CACNA2D3: variants seen among roughly 807,000 people sequenced by gnomAD.
CACNA2D3 encodes the protein voltage-dependent calcium channel subunit alpha-2/delta-3.
CACNA2D3 carries 60 observed loss-of-function variants against 160.6 expected under a neutral mutation model. That is an observed-to-expected ratio of 0.37 (90% confidence interval 0.30 to 0.46). The LOEUF is 0.46. Among genes scored for constraint, CACNA2D3 ranks in the 20% least tolerant of loss-of-function variants. CACNA2D3 has a pLI of 1.00. For missense variants in CACNA2D3, 1,205 were observed against 1,365.0 expected (o/e 0.88, Z 1.85); for synonymous variants, 558 against 492.9 (o/e 1.13, Z -1.75).
At chr3:54,748,598 G>A (rs966153779) in intron 11 of CACNA2D3, among the ~76,000 whole-genome samples, 1 of 151,864 alleles carries the variant, frequency 6.6e-6, no homozygotes. Context: ...CTGCCTTTGA[G>A]CTGCATTAAT....
chr3:54,347,404 T>C (rs1030077942), intron 3 of CACNA2D3, among the ~76,000 whole-genome samples: 2 of 152,178 alleles, frequency 1.3e-5, no homozygotes, highest in African/African-American at 4.8e-5. Context: ...TGAAATCCCT[T>C]TCATTTTGGA....
intron 27 of CACNA2D3, among the ~76,000 whole-genome samples, chr3:54,917,774 A>G (rs973934027): frequency 6.6e-6 from 1 of 152,174 alleles, no homozygotes; most frequent in African/African-American, 2.4e-5. Context: ...CTTGCATCAG[A>G]AAACTTCCCC....
At chr3:55,036,737 A>G (rs568405034) in intron 35 of CACNA2D3, among the ~76,000 whole-genome samples, 8 of 152,226 alleles carry the variant, frequency 5.3e-5, no homozygotes, top group African/African-American at 7.2e-5. Context: ...AAGTGCTGGG[A>G]TTACAGGCGT....
At chr3:54,634,930 T>C (rs1209799717) in intron 10 of CACNA2D3, among the ~76,000 whole-genome samples, 1 of 152,078 alleles carries the variant, frequency 6.6e-6, no homozygotes, top group Non-Finnish European at 1.5e-5. Flanking sequence ...CTCAGAGGCC[T>C]GACATTCCTG....
At chr3:54,783,401 T>C (rs1278696444) in intron 13 of CACNA2D3, among the ~76,000 whole-genome samples, 3 of 151,452 alleles carry the variant, frequency 2.0e-5, no homozygotes, top group Admixed American at 1.3e-4. Context: ...AGGTCAGGAG[T>C]TCAAAACCAG....
intron 13 of CACNA2D3, among the ~76,000 whole-genome samples, chr3:54,790,251 T>C (rs1702726065): frequency 6.6e-6 from 1 of 152,172 alleles, no homozygotes; most frequent in Admixed American, 6.5e-5. Context: ...CTGGCTTGCT[T>C]GTTGTCAGGG....
chr3:54,310,852 T>C (rs1703723811), intron 2 of CACNA2D3, among the ~76,000 whole-genome samples: 1 of 152,178 alleles, frequency 6.6e-6, no homozygotes, highest in Admixed American at 6.5e-5. Flanking sequence ...CAGTATGAGG[T>C]CTGGTCTCAT....
At chr3:54,962,349 C>A (rs1346839282) in intron 27 of CACNA2D3, among the ~76,000 whole-genome samples, 1 of 152,140 alleles carries the variant, frequency 6.6e-6, no homozygotes, top group Non-Finnish European at 1.5e-5. Context: ...AAGGAACATT[C>A]CTAGGAGTGG....
At position 54,836,877 on chromosome 3, in the gene CACNA2D3, A is replaced by G. The variant is rs183530582; in HGVS notation, c.1399-282A>G. ...GCTAATAAAATAAAATGAATCAGGAAGATCCAAACAAGGTTCTCTTTGAAC... is the reference window on the plus strand; with the variant it reads ...GCTAATAAAATAAAATGAATCAGGAGGATCCAAACAAGGTTCTCTTTGAAC... On this transcript the variant is annotated intron_variant, in intron 14 of 37. Coordinates refer to ENST00000474759, the MANE Select transcript of CACNA2D3 (RefSeq NM_018398.3). Among the ~76,000 whole-genome samples the G allele has an allele frequency of 2.5e-3, 378 of 152,356 alleles. 3 individuals are homozygous for G. Among genetic ancestry groups the G allele is most frequent in the African/African-American group, 8.7e-3 (360 of 41,588 alleles).
intron 3 of CACNA2D3, among the ~76,000 whole-genome samples, chr3:54,352,052 A>G (rs916035439): frequency 1.3e-5 from 2 of 152,172 alleles, no homozygotes; most frequent in African/African-American, 4.8e-5. Context: ...GGATACGTGG[A>G]TACATACGCT....
At chr3:54,936,627 G>A (rs997900321) in intron 27 of CACNA2D3, among the ~76,000 whole-genome samples, 3 of 152,124 alleles carry the variant, frequency 2.0e-5, no homozygotes, top group African/African-American at 7.2e-5. Flanking sequence ...CCCATATTGG[G>A]TTACCTACTA....
chr3:55,051,807 G>T (rs916461045), intron 35 of CACNA2D3, among the ~76,000 whole-genome samples: 1 of 152,200 alleles, frequency 6.6e-6, no homozygotes, highest in African/African-American at 2.4e-5. Flanking sequence ...TAATCTCGTG[G>T]TGCGCCGTTT....
intron 11 of CACNA2D3, among the ~76,000 whole-genome samples, chr3:54,672,369 C>G (rs1322870026): frequency 2.0e-5 from 3 of 152,178 alleles, no homozygotes; most frequent in Non-Finnish European, 4.4e-5. Flanking sequence ...GGTCTGAGTT[C>G]AGTGCCCCAG....
At chr3:54,898,085 GCTTT>G (rs1575539154) in intron 26 of CACNA2D3, among the ~76,000 whole-genome samples, 1 of 151,322 alleles carries the variant, frequency 6.6e-6, no homozygotes, top group Non-Finnish European at 1.5e-5. Flanking sequence ...TTGCTTGCTT[GCTTT>G]CTTCCTTCCT....
chr3:54,369,949 T>C (rs1698895352), intron 3 of CACNA2D3, among the ~76,000 whole-genome samples: 1 of 152,268 alleles, frequency 6.6e-6, no homozygotes, highest in South Asian at 2.1e-4. Context: ...GCCGTGTTTC[T>C]TCCATATAGT....
At chr3:54,769,397 G>T (rs1702278542) in intron 13 of CACNA2D3, among the ~76,000 whole-genome samples, 1 of 152,134 alleles carries the variant, frequency 6.6e-6, no homozygotes, top group African/African-American at 2.4e-5. Context: ...TGTTGGTATT[G>T]ATAGCTCTGG....
At chr3:54,214,346 A>G (rs534684991) in intron 2 of CACNA2D3, among the ~76,000 whole-genome samples, 15 of 152,248 alleles carry the variant, frequency 9.9e-5, no homozygotes, top group Admixed American at 2.0e-4. Flanking sequence ...GATATTTTCA[A>G]GACCTTTCTT....
chr3:54,568,327 G>C (rs930067934), intron 6 of CACNA2D3, among the ~76,000 whole-genome samples: 1 of 152,130 alleles, frequency 6.6e-6, no homozygotes, highest in Non-Finnish European at 1.5e-5. Flanking sequence ...TTTTACATAG[G>C]GATTTACGTA....
At chr3:54,464,935 A>G (rs977630977) in intron 4 of CACNA2D3, among the ~76,000 whole-genome samples, 2 of 151,998 alleles carry the variant, frequency 1.3e-5, no homozygotes, top group African/African-American at 2.4e-5. Context: ...TACATTTTCT[A>G]TGCCTTTTCC....
Sources: gnomAD v4.1 joint callset for allele counts (sites outside exome capture counted in the v4.1 genomes callset) on GRCh38, gnomAD v4.1.1 for gene constraint, MANE v1.5 for transcripts, NCBI Gene and HGNC (gene_info 2026-07-23, HGNC 2026-07-21) for gene names.